Variants in COL19A1 observed in about 807,000 individuals in gnomAD.
The protein encoded by COL19A1 is collagen type XIX alpha 1 chain, also known as collagen alpha-1(XIX) chain.
In COL19A1, 159 loss-of-function variants were observed where a neutral mutation model predicts 190.2. The ratio of observed to expected loss-of-function variants is 0.84; its 90% CI spans 0.73 to 0.95. The LOEUF is 0.95. Among genes scored for constraint, COL19A1 ranks in the 40% least tolerant of loss-of-function variants. The probability of loss-of-function intolerance (pLI) is 0.00; values close to 1 mark genes in which losing one functional copy is unlikely to be tolerated. For missense variants in COL19A1, 1,418 were observed against 1,431.9 expected, an observed-to-expected ratio of 0.99 and a Z score of 0.16; for synonymous variants, 509 against 458.9, an observed-to-expected ratio of 1.11 and a Z score of -1.39.
At chr6:70,034,080 G>C (rs987412910) in intron 12 of COL19A1, among the ~76,000 whole-genome samples, 165 bp from the exon 13 acceptor site, 3 of 152,198 alleles carry the variant, frequency 2.0e-5, no homozygotes, top group Admixed American at 1.3e-4. Context: ...CCACGGCACA[G>C]ATGTTGCTTA....
At chr6:70,142,877 T>G in intron 23 of COL19A1, 57 bp downstream of exon 23, 1 of 1,478,420 alleles carries the variant, frequency 6.8e-7, no homozygotes, top group Non-Finnish European at 9.3e-7. Flanking sequence ...GACATGTTTT[T>G]AAAAACATCA....
At chr6:69,902,989 C>A (rs1424400064) in intron 4 of COL19A1, among the ~76,000 whole-genome samples, 1 of 152,170 alleles carries the variant, frequency 6.6e-6, no homozygotes, top group Non-Finnish European at 1.5e-5. Context: ...GTCATCCTTC[C>A]TGTCATAGAT....
intron 2 of COL19A1, among the ~76,000 whole-genome samples, chr6:69,897,592 A>AGG (rs1414509285): frequency 5.3e-5 from 8 of 152,090 alleles, no homozygotes; most frequent in African/African-American, 1.9e-4. Flanking sequence ...CATTTTGTTT[A>AGG]TCCCTTCAGT....
chr6:70,120,482 A>G (rs184703778), intron 16 of COL19A1, among the ~76,000 whole-genome samples: 347 of 152,290 alleles, frequency 2.3e-3, no homozygotes, highest in Non-Finnish European at 3.4e-3. Flanking sequence ...ACTTTGTGTA[A>G]CAACCCCCCC....
chr6:69,908,152 T>C (rs995595032), intron 4 of COL19A1, among the ~76,000 whole-genome samples: 5 of 152,242 alleles, frequency 3.3e-5, no homozygotes, highest in African/African-American at 1.2e-4. Flanking sequence ...TTGTAATGCA[T>C]AGTTCTCCTT....
Position 70,036,011 on chromosome 6 carries a change from C to T in COL19A1, c.1170+72C>T, listed in dbSNP as rs544925066. The stretch of plus-strand genomic sequence containing the variant: ...GTTTATTATCCATATTACATCATGA[C>T]TAAACCAGAATTTAAGTCACAGAGT... On this transcript the variant is annotated intron_variant, in intron 14 of 50. Transcript: ENST00000620364. 3.4e-5 allele frequency: 48 copies of T among 1,392,918 alleles called. No homozygotes were observed. In the African/African-American group the frequency reaches 4.7e-4, roughly 14 times the overall value. 86.3% of individuals were successfully genotyped at this position (1,392,918 alleles called of 1,614,324 possible). A position where few individuals can be genotyped will look rare whatever the true frequency, so the allele number is the denominator to read the frequency against.
At chr6:70,088,345 A>G (rs1582881139) in intron 15 of COL19A1, among the ~76,000 whole-genome samples, 1 of 152,136 alleles carries the variant, frequency 6.6e-6, no homozygotes, top group Non-Finnish European at 1.5e-5. Flanking sequence ...CACTTAATTA[A>G]TAAATGAAAG....
chr6:69,925,988 T>C (rs1159112713), intron 4 of COL19A1, among the ~76,000 whole-genome samples: 1 of 152,202 alleles, frequency 6.6e-6, no homozygotes, highest in Admixed American at 6.5e-5. Context: ...GATTTTGGGC[T>C]GAGACGATGG....
intron 9 of COL19A1, among the ~76,000 whole-genome samples, chr6:69,941,289 A>T (rs1773450403): frequency 6.6e-6 from 1 of 152,186 alleles, no homozygotes; most frequent in African/African-American, 2.4e-5. Flanking sequence ...GTTGATTGTG[A>T]AGAAGGAATA....
intron 9 of COL19A1, among the ~76,000 whole-genome samples, chr6:69,944,334 A>G (rs1773655600): frequency 6.6e-6 from 1 of 152,138 alleles, no homozygotes; most frequent in Non-Finnish European, 1.5e-5. Flanking sequence ...TACATAGAAC[A>G]ACACATAAAT....
intron 13 of COL19A1, among the ~76,000 whole-genome samples, chr6:70,035,584 G>C (rs1250641520): frequency 1.3e-5 from 2 of 152,080 alleles, no homozygotes; most frequent in African/African-American, 4.8e-5. Flanking sequence ...CTGCTTCATT[G>C]GCAAGTAAAC....
At chr6:70,174,660 A>G (rs1003168500) in intron 41 of COL19A1, among the ~76,000 whole-genome samples, 1 of 152,170 alleles carries the variant, frequency 6.6e-6, no homozygotes, top group African/African-American at 2.4e-5. Context: ...GATTTCAACA[A>G]TGTTCTGCTT....
At chr6:70,120,562 G>A (rs1375731096) in intron 16 of COL19A1, among the ~76,000 whole-genome samples, 1 of 152,146 alleles carries the variant, frequency 6.6e-6, no homozygotes, top group Non-Finnish European at 1.5e-5. Flanking sequence ...GCTGGCTGCT[G>A]AAAAGTTGCA....
intron 48 of COL19A1, among the ~76,000 whole-genome samples, chr6:70,196,157 A>G (rs1314879629): frequency 1.3e-5 from 2 of 152,246 alleles, no homozygotes; most frequent in East Asian, 1.9e-4. Flanking sequence ...AAACTAGAAT[A>G]TAATTATTAA....
intron 11 of COL19A1, among the ~76,000 whole-genome samples, chr6:70,002,060 G>A (rs1180548552): frequency 2.6e-5 from 4 of 151,980 alleles, no homozygotes; most frequent in African/African-American, 9.7e-5. Context: ...AGTTTATTGA[G>A]GGTTTTTAAC....
intron 14 of COL19A1, among the ~76,000 whole-genome samples, chr6:70,043,195 T>G (rs1779719158): frequency 1.9e-5 from 1 of 52,064 alleles, no homozygotes. Context: ...TTCTTCTTCT[T>G]TTTTTTTTTT....
At chr6:70,047,753 G>A (rs1562118393) in intron 14 of COL19A1, among the ~76,000 whole-genome samples, 1 of 152,038 alleles carries the variant, frequency 6.6e-6, no homozygotes, top group South Asian at 2.1e-4. Context: ...ATATAATCCT[G>A]TTTTTACAGT....
chr6:70,092,294 A>G (rs1479430265), intron 15 of COL19A1, among the ~76,000 whole-genome samples: 1 of 152,152 alleles, frequency 6.6e-6, no homozygotes, highest in African/African-American at 2.4e-5. Flanking sequence ...TCCTATCCCC[A>G]TGATCCCTCC....
intron 36 of COL19A1, among the ~76,000 whole-genome samples, chr6:70,164,051 A>C (rs1787980720): frequency 6.6e-6 from 1 of 152,138 alleles, no homozygotes; most frequent in African/African-American, 2.4e-5. Flanking sequence ...CAGACAGCAG[A>C]CTGGCTCTCA....
Sources: gnomAD v4.1 joint callset for allele counts (sites outside exome capture counted in the v4.1 genomes callset) on GRCh38, gnomAD v4.1.1 for gene constraint, MANE v1.5 for transcripts, NCBI Gene and HGNC (gene_info 2026-07-23, HGNC 2026-07-21) for gene names.